CUL2: variants seen among roughly 807,000 people sequenced by gnomAD.
The protein encoded by CUL2 is cullin-2.
Under a neutral mutation model 110.2 loss-of-function variants are expected in CUL2, and 22 were observed. The observed-to-expected ratio is 0.20, with a 90% CI of 0.14 to 0.28. The LOEUF (loss-of-function observed/expected upper bound fraction) is 0.28, where lower values mean the gene tolerates loss of function less well. Ranked by LOEUF, CUL2 falls within the 10% of genes least tolerant of loss-of-function variation. CUL2 has a pLI of 1.00. For missense variants in CUL2, 631 were observed against 905.5 expected, an observed-to-expected ratio of 0.70 and a Z score of 3.89; for synonymous variants, 279 against 293.2, an observed-to-expected ratio of 0.95 and a Z score of 0.49.
At position 35,044,830 on chromosome 10, in the gene CUL2, T is replaced by A; in HGVS notation, c.545A>T (p.His182Leu). The change falls in exon 7 of 21, where the codon CAT becomes CTT. Residue 182 changes from histidine (H) to leucine (L), a missense_variant. Coordinates refer to ENST00000374749, the MANE Select transcript of CUL2 (RefSeq NM_003591.4). The part of the protein sequence containing the change: ...GGEDPNQKVI[H>L]GVINSFVHVE... ...ATGAACAAAGGAGTTAATAACCCCA[T>A]GGATTACTTTCTGGTTTGGGTCTTC... The A allele has an allele frequency of 3.1e-6, 5 of 1,613,502 alleles. No homozygotes were observed. The highest frequency in any genetic ancestry group is 4.2e-6 in the Non-Finnish European group (5 of 1,179,678).
intron 9 of CUL2, among the ~76,000 whole-genome samples, chr10:35,037,883 G>C (rs1017081045): frequency 6.6e-6 from 1 of 151,944 alleles, no homozygotes; most frequent in African/African-American, 2.4e-5. Context: ...GCCGGGCGCG[G>C]TGACTCACAC....
chr10:35,035,383 T>C (rs1285681692), intron 9 of CUL2, 87 bp from the exon 10 acceptor site: 2 of 1,452,794 alleles, frequency 1.4e-6, no homozygotes, highest in East Asian at 4.7e-5. Context: ...GAGTACAATA[T>C]ACGGATCCAA....
chr10:35,062,005 G>C lies in CUL2; in HGVS notation c.222+955C>G, dbSNP rs191289670. 2.0e-5 allele frequency among the ~76,000 whole-genome samples: 3 copies of C among 152,240 alleles called. No individual in the cohort carries two copies. In the East Asian group the frequency reaches 5.8e-4, roughly 29 times the overall value. On this transcript the variant is annotated intron_variant, in intron 3 of 20. Coordinates refer to ENST00000374749, the MANE Select transcript of CUL2 (RefSeq NM_003591.4). The stretch of plus-strand genomic sequence containing the variant: ...GTTTTATTCCCATTTTATAGATAAA[G>C]TCAAAACTCAGTCCATAAGGTAGTT...
intron 2 of CUL2, among the ~76,000 whole-genome samples, chr10:35,100,102 G>A (rs553041924): frequency 2.6e-5 from 4 of 151,594 alleles, no homozygotes; most frequent in Admixed American, 6.6e-5. Context: ...TACTGTGCCC[G>A]GTCTTGTACA....
chr10:35,064,498 C>T (rs887748721), intron 2 of CUL2, among the ~76,000 whole-genome samples: 1 of 152,136 alleles, frequency 6.6e-6, no homozygotes, highest in African/African-American at 2.4e-5. Flanking sequence ...ACTCCATACT[C>T]CCAGCTCCCA....
chr10:35,067,924 G>A (rs970004589), intron 2 of CUL2, among the ~76,000 whole-genome samples: 6 of 151,722 alleles, frequency 4.0e-5, no homozygotes, highest in Non-Finnish European at 5.9e-5. Context: ...TGGTTAACAC[G>A]GTGAAACCCT....
chr10:35,121,028 C>T (rs1418192648), intron 1 of CUL2, among the ~76,000 whole-genome samples: 3 of 152,138 alleles, frequency 2.0e-5, no homozygotes, highest in African/African-American at 7.2e-5. Context: ...GTTCATTTTT[C>T]CATGATTTAT....
chr10:35,073,536 C>T (rs2135002146), intron 1 of CUL2, among the ~76,000 whole-genome samples: 1 of 152,196 alleles, frequency 6.6e-6, no homozygotes, highest in Admixed American at 6.5e-5. Context: ...TTAATCCTCC[C>T]AACATTCTGA....
Position 35,013,303 on chromosome 10 carries a change from C to T in CUL2, c.1989+396G>A, listed in dbSNP as rs191270870. ...GAGCTTGCAGTGAGCCGAGATCACA[C>T]CACTGCACTCCAGCCTGGGCGAGAG... On this transcript the variant is annotated intron_variant, in intron 19 of 20. Coordinates refer to ENST00000374749, the MANE Select transcript of CUL2 (RefSeq NM_003591.4). 4.7e-3 allele frequency among the ~76,000 whole-genome samples: 715 copies of T among 150,682 alleles called. 3 individuals carry two copies. Among genetic ancestry groups the T allele is most frequent in the Non-Finnish European group, 6.8e-3 (463 of 67,758 alleles).
intron 1 of CUL2, among the ~76,000 whole-genome samples, chr10:35,106,640 G>A (rs2087461085): frequency 6.6e-6 from 1 of 151,792 alleles, no homozygotes; most frequent in African/African-American, 2.4e-5. Context: ...CCAAATGTTT[G>A]TTGTTTATAA....
At chr10:35,080,431 A>ATTTT (rs1393489699) in intron 1 of CUL2, among the ~76,000 whole-genome samples, 29 of 134,184 alleles carry the variant, frequency 2.2e-4, no homozygotes, top group Admixed American at 5.4e-4. Context: ...TAGAATTCCT[A>ATTTT]TTTTTATTTA....
chr10:35,016,549 T>C (rs1349517024), intron 17 of CUL2, among the ~76,000 whole-genome samples, 155 bp from the exon 18 acceptor site: 1 of 152,208 alleles, frequency 6.6e-6, no homozygotes, highest in Non-Finnish European at 1.5e-5. Context: ...ATTTTGTTTC[T>C]TGGGGAGGTG....
At chr10:35,029,757 T>TATA (rs2085435626) in intron 14 of CUL2, 117 bp from the exon 15 acceptor site, 1 of 673,506 alleles carries the variant, frequency 1.5e-6, no homozygotes, top group Non-Finnish European at 2.4e-6. Flanking sequence ...CATATACACT[T>TATA]ATACCCAAGG....
At chr10:35,091,880 A>T (rs1453838416), upstream of CUL2, among the ~76,000 whole-genome samples, 1 of 151,932 alleles carries the variant, frequency 6.6e-6, no homozygotes, top group South Asian at 2.1e-4. Context: ...CACCCACCTC[A>T]GCCTCCCAAA....
intron 1 of CUL2, among the ~76,000 whole-genome samples, chr10:35,115,243 TAAAATA>T (rs1268087454): frequency 5.4e-5 from 8 of 148,466 alleles, no homozygotes; most frequent in African/African-American, 2.0e-4. Context: ...GTCTAAAAAA[TAAAATA>T]AAAATAAAAT....
chr10:35,074,649 C>T (rs1368269832), intron 1 of CUL2, among the ~76,000 whole-genome samples: 1 of 151,936 alleles, frequency 6.6e-6, no homozygotes, highest in Non-Finnish European at 1.5e-5. Flanking sequence ...CCATCGCACC[C>T]TAATTTTTGT....
intron 6 of CUL2, among the ~76,000 whole-genome samples, chr10:35,046,490 A>T (rs2085944114): frequency 6.6e-6 from 1 of 152,224 alleles, no homozygotes; most frequent in Non-Finnish European, 1.5e-5. Context: ...AGAAGAGTTT[A>T]ATAAAGTGAG....
intron 1 of CUL2, among the ~76,000 whole-genome samples, chr10:35,120,664 A>C (rs965004710): frequency 3.3e-5 from 5 of 151,966 alleles, no homozygotes; most frequent in African/African-American, 7.3e-5. Flanking sequence ...TGAGAGGCCA[A>C]GGCAGGCAGA....
chr10:35,045,008 T>A, intron 6 of CUL2, 140 bp from the exon 7 acceptor site: 1 of 573,574 alleles, frequency 1.7e-6, no homozygotes, highest in South Asian at 2.6e-5. Flanking sequence ...CATGCATGAA[T>A]CTTAACAATG....
Sources: allele counts gnomAD v4.1 joint callset (sites outside exome capture counted in the v4.1 genomes callset), GRCh38; gene constraint gnomAD v4.1.1; transcripts MANE v1.5; gene names NCBI Gene and HGNC (gene_info 2026-07-23, HGNC 2026-07-21).